The following CFAP91 variants were observed in gnomAD, a reference collection of about 807,000 sequenced individuals.
CFAP91 encodes cilia and flagella associated protein 91, also known as cilia- and flagella-associated protein 91.
A neutral mutation model predicts 95.9 loss-of-function variants in CFAP91; 85 were observed. That is an observed-to-expected ratio of 0.89 (90% CI 0.74 to 1.06). The LOEUF (loss-of-function observed/expected upper bound fraction) is 1.06. CFAP91 is among the 50% of genes least tolerant of loss of function. The pLI, the probability that CFAP91 is intolerant of heterozygous loss-of-function variation, is 0.00. For missense variants in CFAP91, 962 were observed against 943.4 expected, an observed-to-expected ratio of 1.02 and a Z score of -0.26; for synonymous variants, 335 against 327.5, an observed-to-expected ratio of 1.02 and a Z score of -0.25.
intron 6 of CFAP91, among the ~76,000 whole-genome samples, chr3:119,725,753 ATTC>A (rs1205156025): frequency 6.6e-6 from 1 of 150,946 alleles, no homozygotes; most frequent in African/African-American, 2.5e-5. Flanking sequence ...TGAGACCTTG[ATTC>A]ACAAAAAAGA....
Position 119,703,055 on chromosome 3 carries a change from C to G in CFAP91, c.-44C>G. The G allele has an allele frequency of 6.5e-7, 1 of 1,546,320 alleles. No homozygotes were observed. Among genetic ancestry groups the G allele is most frequent in the Non-Finnish European group, 8.7e-7 (1 of 1,144,592 alleles). On this transcript the variant is annotated 5_prime_UTR_variant, in exon 1 of 18. Transcript: ENST00000273390. Reference sequence around the variant, plus strand: ...AGCGACGTGCACGCAGTAGCCAGGCCTGACCCGCTGGTCCCTTGCTGGCGG... The same window carrying G: ...AGCGACGTGCACGCAGTAGCCAGGCGTGACCCGCTGGTCCCTTGCTGGCGG...
At position 119,717,049 on chromosome 3, in the gene CFAP91, A is replaced by C. The variant is rs984457619; in HGVS notation, c.682+1306A>C. Among the ~76,000 whole-genome samples, 4 of 152,224 alleles carry C rather than the reference A, an allele frequency of 2.6e-5. No individual in the cohort carries two copies. The East Asian group carries it at 5.8e-4, about 22-fold the overall frequency. ...AAAAGCAAGAAAGAAAATATTCGTA[A>C]TGTAGAAATGGAGACTTTTTCCTAA... On this transcript the variant is annotated intron_variant, in intron 6 of 17. Transcript: ENST00000273390.
chr3:119,712,175 ATTG>A (rs1284296433), intron 5 of CFAP91, among the ~76,000 whole-genome samples: 13 of 152,232 alleles, frequency 8.5e-5, no homozygotes, highest in African/African-American at 3.1e-4. Context: ...GAAAGGGATC[ATTG>A]CTCTTTGTTA....
chr3:119,730,318 C>A lies in CFAP91; in HGVS notation c.959C>A (p.Ser320Tyr). The change falls in exon 8 of 18, where the codon TCT becomes TAT. Residue 320 changes from serine to tyrosine, a missense_variant. Transcript: ENST00000273390. ...ATGAAGCACTTGAATGCCCGGTGGT[C>A]TAAACTGCAGGAGGGAAAAGAGGCA... Reference protein sequence around the residue: ...VNMKHLNARWSKLQEGKEAKM... With the variant: ...VNMKHLNARWYKLQEGKEAKM... 6.2e-7 allele frequency: 1 copy of A among 1,613,976 alleles called. No homozygotes were observed. Among genetic ancestry groups the A allele is most frequent in the South Asian group, 1.1e-5 (1 of 91,066 alleles).
chr3:119,726,369 A>T (rs765777714), intron 7 of CFAP91, 21 bp downstream of exon 7: 5 of 1,597,466 alleles, frequency 3.1e-6, no homozygotes, highest in Non-Finnish European at 4.3e-6. Flanking sequence ...TATCACCCAG[A>T]CAACTGTTCC....
chr3:119,714,407 C>A (rs553726267), intron 5 of CFAP91, among the ~76,000 whole-genome samples: 1 of 151,044 alleles, frequency 6.6e-6, no homozygotes, highest in African/African-American at 2.4e-5. Context: ...TGGAGCAAAG[C>A]GTATTTTAAC....
rs2053782416 is a variant in CFAP91, at chr3:119,726,274, G to C, written c.786G>C (p.Gln262His). 2 of 1,613,994 alleles carry C rather than the reference G, an allele frequency of 1.2e-6. No homozygotes were observed. Among genetic ancestry groups the C allele is most frequent in the Non-Finnish European group, 1.7e-6 (2 of 1,179,946 alleles). The change falls in exon 7 of 18, where the codon CAG (glutamine) becomes CAC (histidine). Residue 262 changes from glutamine to histidine, a missense_variant. Transcript: ENST00000273390. The stretch of plus-strand genomic sequence containing the variant: ...TCCCCGCTCTGAGTGACACCTCCCA[G>C]TTTGAGAAGAGGAGGAAAATGATGA... Reference protein sequence around the residue: ...ASLPALSDTSQFEKRRKMMNE... With the variant: ...ASLPALSDTSHFEKRRKMMNE...
At chr3:119,764,841 G>C (rs1432086533) in intron 17 of CFAP91, among the ~76,000 whole-genome samples, 1 of 151,958 alleles carries the variant, frequency 6.6e-6, no homozygotes, top group Non-Finnish European at 1.5e-5. Flanking sequence ...TTTTTTAAGT[G>C]CTAGAATTTG....
At chr3:119,764,297 C>A (rs2054592030) in intron 17 of CFAP91, among the ~76,000 whole-genome samples, 1 of 151,972 alleles carries the variant, frequency 6.6e-6, no homozygotes, top group African/African-American at 2.4e-5. Context: ...ATTTGCAAGA[C>A]CCAGGTCAAG....
intron 2 of CFAP91, 109 bp from the exon 3 acceptor site, chr3:119,707,295 C>A: frequency 3.6e-6 from 3 of 822,684 alleles, no homozygotes; most frequent in Non-Finnish European, 5.6e-6. Flanking sequence ...TCTTCTTATG[C>A]TGTATACATT....
Position 119,732,337 on chromosome 3 carries a change from G to A in CFAP91, c.1062G>A (p.Lys354=), listed in dbSNP as rs1324836745. 1 of 1,608,954 alleles carries A rather than the reference G, an allele frequency of 6.2e-7. No homozygotes were observed. The highest frequency in any genetic ancestry group is 2.2e-5 in the East Asian group (1 of 44,788). The change falls in exon 9 of 18, where the codon AAG becomes AAA. Residue 354 remains lysine (K), a synonymous_variant. Coordinates refer to ENST00000273390, the MANE Select transcript of CFAP91 (RefSeq NM_033364.4). ...LVGKRKNIEG[K]LERRNIIKDY... ...GAAAGAGAAAGAATATAGAAGGGAA[G>A]TTGGAGAGAAGAAATATCATCAAGG...
intron 9 of CFAP91, 113 bp from the exon 10 acceptor site, chr3:119,733,251 T>C (rs2053937234): frequency 2.9e-6 from 3 of 1,043,782 alleles, no homozygotes; most frequent in African/African-American, 1.6e-5. Context: ...AGATACACCC[T>C]CTCAACAATT....
At chr3:119,726,460 C>A in intron 7 of CFAP91, 112 bp downstream of exon 7, 2 of 1,024,374 alleles carry the variant, frequency 2.0e-6, no homozygotes, top group East Asian at 2.9e-5. Flanking sequence ...AATCCTCAAC[C>A]TATAGAGATA....
intron 17 of CFAP91, 29 bp from the exon 18 acceptor site, chr3:119,765,023 A>G (rs1464540340): frequency 3.3e-5 from 5 of 152,214 alleles, no homozygotes; most frequent in Middle Eastern, 3.2e-3. Flanking sequence ...TGACATAATC[A>G]TAAACATTTG....
chr3:119,764,038 G>A (rs2054585630), intron 17 of CFAP91, among the ~76,000 whole-genome samples: 1 of 152,096 alleles, frequency 6.6e-6, no homozygotes, highest in Admixed American at 6.6e-5. Context: ...TAGCTTGACT[G>A]AGCCATTCTA....
At chr3:119,737,924 A>G (rs1018057879) in intron 11 of CFAP91, among the ~76,000 whole-genome samples, 2 of 152,224 alleles carry the variant, frequency 1.3e-5, no homozygotes, top group Non-Finnish European at 2.9e-5. Context: ...CCAGGGCCAC[A>G]TCTCACCAGA....
At chr3:119,715,792 C>T (rs760067326) in intron 6 of CFAP91, 49 bp downstream of exon 6, 2 of 1,541,236 alleles carry the variant, frequency 1.3e-6, no homozygotes, top group African/African-American at 2.7e-5. Flanking sequence ...TGCTGATAAC[C>T]ACGCATGCTG....
Position 119,750,934 on chromosome 3 carries a change from C to T in CFAP91, c.2144-3C>T, listed in dbSNP as rs2054312612. ...TGAAAATTTTTCTATTACTTTGGCA[C>T]AGTGAGGAACGCACAGCGGAAACAT... is the stretch of plus-strand genomic sequence containing the variant. On this transcript the variant is annotated splice_polypyrimidine_tract_variant and splice_region_variant and intron_variant, in intron 16 of 17. Transcript: ENST00000273390. 1 of 1,613,700 alleles carries T rather than the reference C, an allele frequency of 6.2e-7. No homozygotes were observed. The highest frequency in any genetic ancestry group is 1.3e-5 in the African/African-American group (1 of 74,886).
chr3:119,708,675 G>GTT lies in CFAP91; in HGVS notation c.443+2_443+3insTT. ...AGAATCGCTATAAATACTTTGAAAG[G>GTT]TAGAACATAATTACTAATGAATATT... is the stretch of plus-strand genomic sequence containing the variant. On this transcript the variant is annotated splice_donor_variant, in intron 4 of 17. Coordinates refer to ENST00000273390, the MANE Select transcript of CFAP91 (RefSeq NM_033364.4). LOFTEE classifies it high-confidence loss of function. 1 of 1,519,788 alleles carries GTT rather than the reference G, an allele frequency of 6.6e-7. No individual in the cohort carries two copies. The highest frequency in any genetic ancestry group is 9.1e-7 in the Non-Finnish European group (1 of 1,104,102). 94.1% of individuals were successfully genotyped at this position (1,519,788 alleles called of 1,614,324 possible).
Sources: gnomAD v4.1 joint callset for allele counts (sites outside exome capture counted in the v4.1 genomes callset) on GRCh38, gnomAD v4.1.1 for gene constraint, MANE v1.5 for transcripts, NCBI Gene and HGNC (gene_info 2026-07-23, HGNC 2026-07-21) for gene names.